Variants in UTS2B observed in about 807,000 individuals in gnomAD.
The protein encoded by UTS2B is urotensin 2B.
A neutral mutation model predicts 19.2 loss-of-function variants in UTS2B; 21 were observed. The ratio of observed to expected loss-of-function variants is 1.09; its 90% CI spans 0.78 to 1.58. The LOEUF (loss-of-function observed/expected upper bound fraction) is 1.58, where lower values mean the gene tolerates loss of function less well. Among genes scored for constraint, UTS2B ranks in the 40% most tolerant of loss-of-function variants. The probability of loss-of-function intolerance (pLI) is 0.00; values close to 1 mark genes in which losing one functional copy is unlikely to be tolerated. For missense variants in UTS2B, 138 were observed against 130.3 expected (o/e 1.06, Z -0.29); for synonymous variants, 57 against 50.2 (o/e 1.14, Z -0.58).
At chr3:191,287,004 CA>C (rs34046617) in intron 4 of UTS2B, among the ~76,000 whole-genome samples, 76,493 of 151,130 alleles carry the variant, frequency 0.51, 21,071 homozygotes, top group Middle Eastern at 0.62. Flanking sequence ...TGAATAACTT[CA>C]AAAAAAATGG....
intron 3 of UTS2B, among the ~76,000 whole-genome samples, chr3:191,313,202 C>A (rs1342729202): frequency 6.6e-6 from 1 of 152,094 alleles, no homozygotes; most frequent in African/African-American, 2.4e-5. Context: ...ACCATATTGG[C>A]CAGTCTGGTC....
chr3:191,344,798 C>T, the UTS2B span, among the ~76,000 whole-genome samples: 5 of 152,270 alleles, frequency 3.3e-5, 1 homozygote, highest in Non-Finnish European at 1.5e-5. Context: ...AGGCTGGTCT[C>T]GAACTCGGGA....
At chr3:191,307,635 A>C (rs1486107022) in intron 3 of UTS2B, among the ~76,000 whole-genome samples, 1 of 152,046 alleles carries the variant, frequency 6.6e-6, no homozygotes, top group African/African-American at 2.4e-5. Context: ...GTAACTGACT[A>C]GTCTACCTCA....
intron 4 of UTS2B, among the ~76,000 whole-genome samples, chr3:191,290,652 T>C (rs1051980716): frequency 2.0e-5 from 3 of 152,176 alleles, no homozygotes; most frequent in African/African-American, 7.2e-5. Context: ...TAGAAACATT[T>C]GAACTTTGTA....
At chr3:191,310,986 C>T (rs1717286978) in intron 3 of UTS2B, among the ~76,000 whole-genome samples, 1 of 152,154 alleles carries the variant, frequency 6.6e-6, no homozygotes, top group African/African-American at 2.4e-5. Context: ...TTTCAAAGGT[C>T]AAAGAAGCAA....
intron 7 of UTS2B, 129 bp from the exon 8 acceptor site, chr3:191,275,474 A>G: frequency 1.5e-6 from 1 of 652,720 alleles, no homozygotes. Flanking sequence ...AGGTCAGGCG[A>G]TCAAGACCAT....
At chr3:191,287,161 T>C (rs766258662) in intron 4 of UTS2B, among the ~76,000 whole-genome samples, 4 of 152,096 alleles carry the variant, frequency 2.6e-5, no homozygotes, top group Non-Finnish European at 5.9e-5. Context: ...GATAGCTTCA[T>C]TGCTGAATTC....
At chr3:191,289,913 T>C (rs755326617) in intron 4 of UTS2B, among the ~76,000 whole-genome samples, 3 of 152,174 alleles carry the variant, frequency 2.0e-5, no homozygotes, top group Non-Finnish European at 4.4e-5. Context: ...TATTTTATTG[T>C]TGAAAATCAC....
At chr3:191,297,728 AT>A (rs1716892611) in intron 4 of UTS2B, among the ~76,000 whole-genome samples, 1 of 152,224 alleles carries the variant, frequency 6.6e-6, no homozygotes, top group Non-Finnish European at 1.5e-5. Flanking sequence ...AGATAATAAA[AT>A]ATTCAGCATT....
At chr3:191,329,831 C>T in intron 1 of UTS2B, 2 of 1,178,056 alleles carry the variant, frequency 1.7e-6, no homozygotes, top group East Asian at 2.8e-5. Context: ...CGCCCGGTGC[C>T]CGCCCTGCGT....
At chr3:191,268,467 T>C in intron 8 of UTS2B, 26 bp from the exon 9 acceptor site, 1 of 1,503,228 alleles carries the variant, frequency 6.7e-7, no homozygotes, top group Non-Finnish European at 9.1e-7. Flanking sequence ...AAATACATTT[T>C]TTATTAGAAG....
intron 5 of UTS2B, among the ~76,000 whole-genome samples, chr3:191,279,253 T>TAAA (rs140733524): frequency 5.4e-4 from 82 of 152,170 alleles, no homozygotes; most frequent in African/African-American, 1.9e-3. Flanking sequence ...TTCATACACA[T>TAAA]AAAAATTATT....
chr3:191,335,585 C>A, the UTS2B span, among the ~76,000 whole-genome samples: 4 of 152,080 alleles, frequency 2.6e-5, no homozygotes, highest in African/African-American at 9.7e-5. Context: ...AGAAAACAAT[C>A]ATTATTTCCT....
rs776314350 is a variant in UTS2B at position 191,275,355 on chromosome 3, T to C, written c.241-10A>G. On this transcript the variant is annotated splice_polypyrimidine_tract_variant and intron_variant, in intron 7 of 8. Transcript: ENST00000340524. ...CTTTTAGCTTTTCCAGCTGATAAAA[T>C]TGTAAAATGATAATTAATTGGTCTT... 1.3e-5 allele frequency: 21 copies of C among 1,607,938 alleles called. No individual in the cohort carries two copies. The South Asian group carries it at 1.8e-4, about 13-fold the overall frequency.
At chr3:191,334,536 G>A (rs1287573491), upstream of UTS2B, among the ~76,000 whole-genome samples, 1 of 152,102 alleles carries the variant, frequency 6.6e-6, no homozygotes, top group Non-Finnish European at 1.5e-5. Flanking sequence ...AAATCCCAGG[G>A]TCAGGGAGGG....
At chr3:191,282,896 C>A (rs182214306) in intron 4 of UTS2B, among the ~76,000 whole-genome samples, 54 of 152,274 alleles carry the variant, frequency 3.5e-4, no homozygotes, top group African/African-American at 1.2e-3. Flanking sequence ...TGGCAAATGT[C>A]CCATCAGTTA....
intron 4 of UTS2B, among the ~76,000 whole-genome samples, chr3:191,303,530 T>TA (rs56081437): frequency 0.016 from 2,334 of 148,238 alleles, 21 homozygotes; most frequent in Non-Finnish European, 0.023. Flanking sequence ...CACATTTCCT[T>TA]AAAAAAAAAA....
chr3:191,286,677 C>T (rs1450513552), intron 4 of UTS2B, among the ~76,000 whole-genome samples: 1 of 151,234 alleles, frequency 6.6e-6, no homozygotes, highest in Non-Finnish European at 1.5e-5. Context: ...AGAAAAGATC[C>T]CAAATAAACA....
chr3:191,328,589 C>A (rs1717816636), intron 2 of UTS2B, 42 bp downstream of exon 2: 1 of 152,266 alleles, frequency 6.6e-6, no homozygotes, highest in East Asian at 1.9e-4. Flanking sequence ...ATGGGGTAGT[C>A]TCGAGGTTCA....
Sources: allele counts gnomAD v4.1 joint callset (sites outside exome capture counted in the v4.1 genomes callset), GRCh38; gene constraint gnomAD v4.1.1; transcripts MANE v1.5; gene names NCBI Gene and HGNC (gene_info 2026-07-23, HGNC 2026-07-21).